SLC30A8: variants seen among roughly 807,000 people sequenced by gnomAD.
The protein encoded by SLC30A8 is solute carrier family 30 member 8.
SLC30A8 carries 27 observed loss-of-function variants against 36.9 expected under a neutral mutation model. The ratio of observed to expected loss-of-function variants is 0.73; its 90% CI spans 0.54 to 1.01. The LOEUF (loss-of-function observed/expected upper bound fraction) is 1.01. SLC30A8 is among the 50% of genes least tolerant of loss of function. The probability of loss-of-function intolerance (pLI) is 0.00; values close to 1 mark genes in which losing one functional copy is unlikely to be tolerated. For missense variants in SLC30A8, 439 were observed against 452.0 expected (o/e 0.97, Z 0.26); for synonymous variants, 164 against 172.4 (o/e 0.95, Z 0.38).
At chr8:117,043,383 G>A (rs1817450927) in intron 2 of SLC30A8, among the ~76,000 whole-genome samples, 1 of 152,204 alleles carries the variant, frequency 6.6e-6, no homozygotes, top group African/African-American at 2.4e-5. Context: ...GTGGGTTTGT[G>A]AGGATGAGTG....
intron 1 of SLC30A8, among the ~76,000 whole-genome samples, chr8:116,951,404 TC>T (rs1813986379): frequency 6.6e-6 from 1 of 152,138 alleles, no homozygotes; most frequent in Non-Finnish European, 1.5e-5. Flanking sequence ...ACACCATTTG[TC>T]CCTGGCCCCT....
intron 1 of SLC30A8, among the ~76,000 whole-genome samples, chr8:117,037,855 G>C (rs1817264463): frequency 6.6e-6 from 1 of 152,098 alleles, no homozygotes; most frequent in Non-Finnish European, 1.5e-5. Context: ...GATTGGGCTG[G>C]TAAGCATTTA....
intron 1 of SLC30A8, 92 bp downstream of exon 1, chr8:117,135,490 C>A: frequency 2.1e-6 from 2 of 945,138 alleles, no homozygotes; most frequent in Non-Finnish European, 1.5e-6. Context: ...GGCCTTTACT[C>A]TGCAACTTGG....
At chr8:116,971,421 T>C (rs1814793929) in intron 1 of SLC30A8, among the ~76,000 whole-genome samples, 1 of 152,234 alleles carries the variant, frequency 6.6e-6, no homozygotes, top group Admixed American at 6.5e-5. Context: ...ATTGATTCTT[T>C]ACTACTTTCT....
chr8:117,068,774 A>G (rs977856887), intron 2 of SLC30A8, among the ~76,000 whole-genome samples: 13 of 151,990 alleles, frequency 8.6e-5, no homozygotes, highest in African/African-American at 3.1e-4. Context: ...ACGGGGTTTC[A>G]CTATGCTGGC....
intron 2 of SLC30A8, among the ~76,000 whole-genome samples, chr8:117,101,352 T>C (rs563386114): frequency 3.9e-5 from 6 of 152,038 alleles, no homozygotes; most frequent in Admixed American, 6.6e-5. Context: ...CCTCTTAGAG[T>C]GTCTCAGTGT....
At chr8:117,016,919 A>G (rs1700183971) in intron 1 of SLC30A8, among the ~76,000 whole-genome samples, 1 of 152,066 alleles carries the variant, frequency 6.6e-6, no homozygotes, top group Admixed American at 6.6e-5. Flanking sequence ...TGTTATATTC[A>G]TCTAGCATGC....
intron 2 of SLC30A8, among the ~76,000 whole-genome samples, chr8:117,109,754 G>C (rs1430986849): frequency 6.6e-6 from 1 of 152,086 alleles, no homozygotes; most frequent in Admixed American, 6.6e-5. Flanking sequence ...AGACTCGTAG[G>C]CTTTTCAACT....
At chr8:117,066,251 C>G (rs1280118879) in intron 2 of SLC30A8, among the ~76,000 whole-genome samples, 2 of 152,198 alleles carry the variant, frequency 1.3e-5, no homozygotes, top group African/African-American at 4.8e-5. Context: ...GGGCAGCAAG[C>G]AAGCTGGCTC....
chr8:117,132,896 T>G (rs1330217452), upstream of SLC30A8, among the ~76,000 whole-genome samples: 1 of 152,040 alleles, frequency 6.6e-6, no homozygotes, highest in African/African-American at 2.4e-5. Context: ...TTAAGCATAA[T>G]TTTATTTGCT....
intron 1 of SLC30A8, among the ~76,000 whole-genome samples, chr8:117,029,910 C>T (rs1816982965): frequency 6.6e-6 from 1 of 152,162 alleles, no homozygotes; most frequent in Non-Finnish European, 1.5e-5. Flanking sequence ...ATTTTCCAAA[C>T]ACAATGGCAA....
rs1823666819 is a variant in SLC30A8 at position 117,176,065 on chromosome 8, A to G, written c.*3384A>G. On this transcript the variant is annotated 3_prime_UTR_variant, in exon 8 of 8. Coordinates refer to ENST00000456015, the MANE Select transcript of SLC30A8 (RefSeq NM_173851.3). The stretch of plus-strand genomic sequence containing the variant: ...CTTACCCCATTCCTGTGAAATATCA[A>G]GTTCTTGGCTTTTCTCTGTCATGTA... 6.6e-6 allele frequency: 1 copy of G among 152,030 alleles called. No individual in the cohort carries two copies. The highest frequency in any genetic ancestry group is 2.1e-4 in the South Asian group (1 of 4,830). 9.4% of individuals were successfully genotyped at this position (152,030 alleles called of 1,614,324 possible). A position where few individuals can be genotyped will look rare whatever the true frequency, so the allele number is the denominator to read the frequency against.
At chr8:117,068,271 C>T (rs1465121690) in intron 2 of SLC30A8, among the ~76,000 whole-genome samples, 1 of 152,112 alleles carries the variant, frequency 6.6e-6, no homozygotes, top group East Asian at 1.9e-4. Flanking sequence ...CTCCTCTGAG[C>T]CTGCCTGCTG....
chr8:117,118,212 A>G (rs1221247815), intron 2 of SLC30A8, among the ~76,000 whole-genome samples: 1 of 151,540 alleles, frequency 6.6e-6, no homozygotes, highest in East Asian at 1.9e-4. Context: ...CAAAAAACAA[A>G]AAAACCTTGC....
chr8:116,974,024 A>G (rs1814887836), intron 1 of SLC30A8, among the ~76,000 whole-genome samples: 2 of 152,232 alleles, frequency 1.3e-5, no homozygotes, highest in South Asian at 4.1e-4. Flanking sequence ...CTTACACCTT[A>G]TACATAAATT....
chr8:117,063,200 C>T (rs1818071990), intron 2 of SLC30A8, among the ~76,000 whole-genome samples: 1 of 152,174 alleles, frequency 6.6e-6, no homozygotes. Context: ...ACTTCCTTTT[C>T]TCAGCTCATT....
chr8:116,984,757 C>A (rs551862325), intron 1 of SLC30A8, among the ~76,000 whole-genome samples: 1 of 152,100 alleles, frequency 6.6e-6, no homozygotes, highest in East Asian at 1.9e-4. Flanking sequence ...AGATACAAGG[C>A]CTTTGTCTGA....
rs530473131 is a variant in SLC30A8, at chr8:117,054,879, A to G, written c.-226+15621A>G. Among the ~76,000 whole-genome samples the G allele has an allele frequency of 2.0e-5, 3 of 152,242 alleles. 1 individual carries two copies. The South Asian group carries it at 6.2e-4, about 32-fold the overall frequency. On this transcript the variant is annotated intron_variant, in intron 2 of 10. Coordinates refer to the SLC30A8 transcript ENST00000427715. ...TATTCAGAGCCCTAAAAGTCATATG[A>G]CATGTTTAAACTTAACTCTCTGATT...
upstream of SLC30A8, among the ~76,000 whole-genome samples, chr8:117,132,230 T>C (rs1238533820): frequency 6.6e-6 from 1 of 152,040 alleles, no homozygotes; most frequent in Non-Finnish European, 1.5e-5. Context: ...TAAATCCATA[T>C]GTCCTTTCTA....
Sources: gnomAD v4.1 joint callset for allele counts (sites outside exome capture counted in the v4.1 genomes callset) on GRCh38, gnomAD v4.1.1 for gene constraint, MANE v1.5 for transcripts, NCBI Gene and HGNC (gene_info 2026-07-23, HGNC 2026-07-21) for gene names.